The following OSBP2 variants were observed in gnomAD, a reference collection of about 807,000 sequenced individuals.
OSBP2 encodes the protein oxysterol binding protein 2.
In OSBP2, 66 loss-of-function variants were observed where a neutral mutation model predicts 96.0. The ratio of observed to expected loss-of-function variants is 0.69; its 90% CI spans 0.56 to 0.84. The LOEUF is 0.84. Ranked by LOEUF, OSBP2 falls within the 40% of genes least tolerant of loss-of-function variation. The pLI, the probability that OSBP2 is intolerant of heterozygous loss-of-function variation, is 0.00. For synonymous variants in OSBP2, 525 were observed against 520.9 expected (o/e 1.01, Z -0.11); for missense variants, 1,038 against 1,222.7 (o/e 0.85, Z 2.25).
chr22:30,810,260 G>A (rs1160894715), intron 2 of OSBP2, among the ~76,000 whole-genome samples: 1 of 152,162 alleles, frequency 6.6e-6, no homozygotes, highest in African/African-American at 2.4e-5. Context: ...GGGTTTCAAA[G>A]AGGGGTGGTT....
At chr22:30,822,640 C>A in intron 2 of OSBP2, 1 of 1,533,050 alleles carries the variant, frequency 6.5e-7, no homozygotes, top group Non-Finnish European at 8.7e-7. Context: ...AATGAAGGGA[C>A]GCGGCTGCTG....
chr22:30,775,615 T>C (rs1189220539), intron 2 of OSBP2, among the ~76,000 whole-genome samples: 1 of 152,088 alleles, frequency 6.6e-6, no homozygotes, highest in Non-Finnish European at 1.5e-5. Context: ...TGAGACTCTG[T>C]CTCAAAAAAC....
intron 6 of OSBP2, 42 bp from the exon 7 acceptor site, chr22:30,889,448 T>G: frequency 1.2e-6 from 2 of 1,612,438 alleles, no homozygotes; most frequent in Non-Finnish European, 1.7e-6. Context: ...GGGGGCGCTC[T>G]GGCCTCTGCT....
chr22:30,855,241 C>A (rs867373778), intron 2 of OSBP2, among the ~76,000 whole-genome samples: 2 of 152,158 alleles, frequency 1.3e-5, no homozygotes, highest in South Asian at 2.1e-4. Context: ...CTATATAGTT[C>A]TAGGCTTTTT....
chr22:30,792,056 A>G (rs530691200), intron 2 of OSBP2, among the ~76,000 whole-genome samples: 1 of 152,316 alleles, frequency 6.6e-6, no homozygotes, highest in Admixed American at 6.5e-5. Context: ...TCATGCCTGT[A>G]ATCCCAGCAC....
intron 2 of OSBP2, among the ~76,000 whole-genome samples, chr22:30,815,505 G>C (rs2091073005): frequency 6.6e-6 from 1 of 152,192 alleles, no homozygotes; most frequent in Non-Finnish European, 1.5e-5. Flanking sequence ...CATTTTTACT[G>C]TTGCAGTGGG....
intron 2 of OSBP2, among the ~76,000 whole-genome samples, chr22:30,869,878 A>G (rs1177195808): frequency 6.6e-6 from 1 of 152,174 alleles, no homozygotes; most frequent in Non-Finnish European, 1.5e-5. Context: ...AAAGGCCCCA[A>G]ACAGGAGCGC....
chr22:30,901,644 C>A (rs2040198334), intron 12 of OSBP2, among the ~76,000 whole-genome samples: 1 of 151,932 alleles, frequency 6.6e-6, no homozygotes, highest in African/African-American at 2.4e-5. Flanking sequence ...GCCGGTGGAA[C>A]ACCTGAGGTC....
intron 2 of OSBP2, among the ~76,000 whole-genome samples, chr22:30,806,790 T>C (rs2090935165): frequency 6.6e-6 from 1 of 152,112 alleles, no homozygotes; most frequent in African/African-American, 2.4e-5. Context: ...CAGCTCCTTT[T>C]TCTCCCTCCC....
chr22:30,694,356 C>T, upstream of OSBP2: 1 of 1,530,370 alleles, frequency 6.5e-7, no homozygotes, highest in Non-Finnish European at 8.8e-7. Flanking sequence ...TAATGGCTGC[C>T]ATGGGGGGCG....
chr22:30,768,845 T>A (rs940306074), intron 2 of OSBP2, among the ~76,000 whole-genome samples: 4 of 152,244 alleles, frequency 2.6e-5, no homozygotes, highest in African/African-American at 7.2e-5. Context: ...TTATTCTTTG[T>A]TACTGTTTAG....
intron 3 of OSBP2, among the ~76,000 whole-genome samples, chr22:30,884,990 G>A (rs2147142813): frequency 6.6e-6 from 1 of 152,324 alleles, no homozygotes; most frequent in African/African-American, 2.4e-5. Flanking sequence ...GGAGTGGTGG[G>A]AGTTAGTGGT....
chr22:30,847,339 T>C (rs2038890737), intron 2 of OSBP2, among the ~76,000 whole-genome samples: 1 of 152,056 alleles, frequency 6.6e-6, no homozygotes, highest in Non-Finnish European at 1.5e-5. Flanking sequence ...TGGAGTGCAG[T>C]GGCATGACCT....
intron 2 of OSBP2, among the ~76,000 whole-genome samples, chr22:30,847,380 C>T (rs1296577602): frequency 6.6e-6 from 1 of 152,110 alleles, no homozygotes; most frequent in Non-Finnish European, 1.5e-5. Context: ...CTCCCAGGTT[C>T]AAGCAATTCT....
intron 2 of OSBP2, among the ~76,000 whole-genome samples, chr22:30,858,227 A>T (rs1270647332): frequency 6.7e-6 from 1 of 149,646 alleles, no homozygotes; most frequent in Non-Finnish European, 1.5e-5. Context: ...GCTCACTGCA[A>T]GCTCCGCTTC....
intron 3 of OSBP2, among the ~76,000 whole-genome samples, chr22:30,873,090 C>T (rs1292992671): frequency 6.6e-6 from 1 of 152,194 alleles, no homozygotes. Flanking sequence ...TTCCAACAGC[C>T]TGGTTAGCAC....
At chr22:30,886,531 G>A (rs753462390) in intron 3 of OSBP2, among the ~76,000 whole-genome samples, 4 of 152,176 alleles carry the variant, frequency 2.6e-5, no homozygotes, top group Non-Finnish European at 2.9e-5. Context: ...ATCTAGCTCT[G>A]TGAATAGAGA....
At position 30,695,293 on chromosome 22, in the gene OSBP2, C is replaced by T; in HGVS notation, c.384C>T (p.Ser128=). 1 of 1,613,458 alleles carries T rather than the reference C, an allele frequency of 6.2e-7. No individual in the cohort carries two copies. Among genetic ancestry groups the T allele is most frequent in the South Asian group, 1.1e-5 (1 of 91,086 alleles). The change falls in exon 1 of 14, where the codon TCC becomes TCT. Residue 128 remains serine, a synonymous_variant. Coordinates refer to ENST00000332585, the MANE Select transcript of OSBP2 (RefSeq NM_030758.4). ...PFTKAASEPL[S]RAVGSATFLR... ...CTAAGGCCGCATCGGAGCCGCTCTCCCGGGCGGTGGGGAGCGCGACCTTTC... is the reference window on the plus strand; with the variant it reads ...CTAAGGCCGCATCGGAGCCGCTCTCTCGGGCGGTGGGGAGCGCGACCTTTC...
At chr22:30,850,213 G>C (rs530290855) in intron 2 of OSBP2, among the ~76,000 whole-genome samples, 108 of 151,758 alleles carry the variant, frequency 7.1e-4, no homozygotes, top group Non-Finnish European at 1.3e-3. Context: ...GGCTGAGGCA[G>C]GAGAATTGCT....
Sources: gnomAD v4.1 joint callset for allele counts (sites outside exome capture counted in the v4.1 genomes callset) on GRCh38, gnomAD v4.1.1 for gene constraint, MANE v1.5 for transcripts, NCBI Gene and HGNC (gene_info 2026-07-23, HGNC 2026-07-21) for gene names.